The following BMP6 variants were observed in gnomAD, a reference collection of about 807,000 sequenced individuals.
The protein encoded by BMP6 is VG-1-R.
Under a neutral mutation model 54.1 loss-of-function variants are expected in BMP6, and 17 were observed. That is an observed-to-expected ratio of 0.31 (90% CI 0.22 to 0.47). The LOEUF (loss-of-function observed/expected upper bound fraction) is 0.47. Ranked by LOEUF, BMP6 falls within the 20% of genes least tolerant of loss-of-function variation. The probability of loss-of-function intolerance (pLI) is 1.00; values close to 1 mark genes in which losing one functional copy is unlikely to be tolerated. For missense variants in BMP6, 720 were observed against 690.4 expected (o/e 1.04, Z -0.48); for synonymous variants, 328 against 291.2 (o/e 1.13, Z -1.28).
intron 1 of BMP6, among the ~76,000 whole-genome samples, chr6:7,783,508 T>G (rs1757977731): frequency 6.6e-6 from 1 of 152,268 alleles, no homozygotes; most frequent in Non-Finnish European, 1.5e-5. Context: ...ATTAGGTCCA[T>G]TTTAATAAAG....
intron 1 of BMP6, among the ~76,000 whole-genome samples, chr6:7,804,424 G>T (rs937765934): frequency 6.6e-6 from 1 of 151,386 alleles, no homozygotes; most frequent in African/African-American, 2.4e-5. Flanking sequence ...TTATTATTCA[G>T]TAGAGGTGCT....
At chr6:7,824,510 G>A (rs1440409480) in intron 1 of BMP6, among the ~76,000 whole-genome samples, 1 of 152,182 alleles carries the variant, frequency 6.6e-6, no homozygotes, top group Non-Finnish European at 1.5e-5. Context: ...GATATCAAAG[G>A]GGAGGGGAAG....
chr6:7,777,127 A>G (rs1163821299), intron 1 of BMP6, among the ~76,000 whole-genome samples: 1 of 152,196 alleles, frequency 6.6e-6, no homozygotes, highest in Non-Finnish European at 1.5e-5. Context: ...ATATGCCATG[A>G]TCTAGCAAGG....
chr6:7,875,467 TAGG>T (rs1275106764), intron 4 of BMP6, among the ~76,000 whole-genome samples: 1 of 152,102 alleles, frequency 6.6e-6, no homozygotes, highest in African/African-American at 2.4e-5. Flanking sequence ...TGCTTGAGGC[TAGG>T]AGTTCAAGAC....
At position 7,726,931 on chromosome 6, in the gene BMP6, G is replaced by T; in HGVS notation, c.-25G>T. On this transcript the variant is annotated 5_prime_UTR_variant, in exon 1 of 7. Coordinates refer to ENST00000283147, the MANE Select transcript of BMP6 (RefSeq NM_001718.6). ...CGCCGCTCCACGCCTCGCGGGATCCGCGGGGGCAGCCCGGCCGGGCGGGGA... is the reference window on the plus strand; with the variant it reads ...CGCCGCTCCACGCCTCGCGGGATCCTCGGGGGCAGCCCGGCCGGGCGGGGA... 3 of 1,131,316 alleles carry T rather than the reference G, an allele frequency of 2.7e-6. No homozygotes were observed. Among genetic ancestry groups the T allele is most frequent in the Non-Finnish European group, 3.2e-6 (3 of 923,212 alleles). The allele number at this position is 1,131,316 out of a possible 1,614,324, so 70.1% of individuals were successfully genotyped here. A position where few individuals can be genotyped will look rare whatever the true frequency, so the allele number is the denominator to read the frequency against.
At chr6:7,857,722 G>T (rs1358082390) in intron 2 of BMP6, among the ~76,000 whole-genome samples, 1 of 152,216 alleles carries the variant, frequency 6.6e-6, no homozygotes, top group Non-Finnish European at 1.5e-5. Context: ...GACTAGGAAG[G>T]CCATGTATCC....
At chr6:7,873,579 C>T (rs1414889325) in intron 4 of BMP6, among the ~76,000 whole-genome samples, 1 of 152,068 alleles carries the variant, frequency 6.6e-6, no homozygotes, top group Non-Finnish European at 1.5e-5. Flanking sequence ...ATCTCCAGCC[C>T]CCCAGAGGCC....
chr6:7,726,762 A>G lies in BMP6; in HGVS notation c.-194A>G. 1 of 212,270 alleles carries G rather than the reference A, an allele frequency of 4.7e-6. No homozygotes were observed. The highest frequency in any genetic ancestry group is 8.9e-6 in the Non-Finnish European group (1 of 112,950). The allele number at this position is 212,270 out of a possible 1,614,324, so 13.1% of individuals were successfully genotyped here. A position where few individuals can be genotyped will look rare whatever the true frequency, so the allele number is the denominator to read the frequency against. Reference sequence around the variant, plus strand: ...TTCTCCTGGTGATCGCCCCTTCGCCACCTCTCTAGCCTGGGCAACTGGGGG... The same window carrying G: ...TTCTCCTGGTGATCGCCCCTTCGCCGCCTCTCTAGCCTGGGCAACTGGGGG... On this transcript the variant is annotated 5_prime_UTR_variant, in exon 1 of 7. Transcript: ENST00000283147.
chr6:7,856,837 C>T (rs912172233), intron 2 of BMP6, among the ~76,000 whole-genome samples: 2 of 151,880 alleles, frequency 1.3e-5, no homozygotes, highest in East Asian at 1.9e-4. Context: ...ACCTCGTGAT[C>T]CGCCCGCCTC....
intron 1 of BMP6, among the ~76,000 whole-genome samples, chr6:7,835,041 C>T (rs1368862815): frequency 6.6e-6 from 1 of 152,206 alleles, no homozygotes; most frequent in African/African-American, 2.4e-5. Flanking sequence ...GCACAAAACA[C>T]TGTAGCAAAT....
intron 1 of BMP6, among the ~76,000 whole-genome samples, chr6:7,837,635 C>G (rs1278902518): frequency 6.6e-6 from 1 of 152,052 alleles, no homozygotes; most frequent in African/African-American, 2.4e-5. Flanking sequence ...ACTTTGAGGA[C>G]TCGGGGGAAG....
rs142660930 is a variant in BMP6 at position 7,757,393 on chromosome 6, C to T, written c.664+29774C>T. ...CAATCCTTGTCTTGTAGAAGCATCA[C>T]TTCCATCTCTACCTCGGCCATCATA... is the stretch of plus-strand genomic sequence containing the variant. On this transcript the variant is annotated intron_variant, in intron 1 of 6. Transcript: ENST00000283147. Among the ~76,000 whole-genome samples the T allele has an allele frequency of 1.4e-4, 22 of 152,304 alleles. 1 individual carries two copies. Among genetic ancestry groups the T allele is most frequent in the Middle Eastern group, 6.8e-3 (2 of 294 alleles).
chr6:7,784,499 A>G (rs1168933573), intron 1 of BMP6, among the ~76,000 whole-genome samples: 1 of 152,206 alleles, frequency 6.6e-6, no homozygotes, highest in Non-Finnish European at 1.5e-5. Flanking sequence ...TCACAGTGTT[A>G]TCACAAGTGT....
chr6:7,838,758 C>T (rs779658745), intron 1 of BMP6, among the ~76,000 whole-genome samples: 24 of 151,954 alleles, frequency 1.6e-4, no homozygotes, highest in Admixed American at 3.9e-4. Flanking sequence ...CTGGCTAATA[C>T]GGTGAAACCT....
Position 7,727,090 on chromosome 6 carries a change from G to C in BMP6, c.135G>C (p.Gly45=). ...CCGCCGCCGGGGGGCAGCTGCTGGG[G>C]GACGGCGGGAGCCCCGGCCGCACGG... ...AAAAAGGQLL[G]DGGSPGRTEQ... is the part of the protein sequence containing the mutation. Residue 45 remains glycine, a synonymous_variant, in exon 1 of 7, where the codon GGG becomes GGC. Transcript: ENST00000283147. 1.5e-6 allele frequency: 2 copies of C among 1,329,214 alleles called. No homozygotes were observed. The highest frequency in any genetic ancestry group is 1.9e-6 in the Non-Finnish European group (2 of 1,038,878). The allele number at this position is 1,329,214 out of a possible 1,614,324, so 82.3% of individuals were successfully genotyped here.
chr6:7,740,661 T>G (rs1007705733), intron 1 of BMP6, among the ~76,000 whole-genome samples: 1 of 152,228 alleles, frequency 6.6e-6, no homozygotes, highest in Non-Finnish European at 1.5e-5. Context: ...GATTTGGGTG[T>G]GGGAATCTGC....
At chr6:7,841,860 A>G (rs1758975842) in intron 1 of BMP6, among the ~76,000 whole-genome samples, 1 of 152,198 alleles carries the variant, frequency 6.6e-6, no homozygotes, top group Admixed American at 6.5e-5. Context: ...ATATGAGGCA[A>G]TGGGTTCTAT....
intron 1 of BMP6, among the ~76,000 whole-genome samples, chr6:7,766,105 G>T (rs184324502): frequency 2.0e-5 from 3 of 152,168 alleles, no homozygotes; most frequent in Admixed American, 6.5e-5. Flanking sequence ...TTCTCCATCG[G>T]CCACAATAAA....
At chr6:7,830,002 T>G (rs1758769610) in intron 1 of BMP6, among the ~76,000 whole-genome samples, 1 of 152,214 alleles carries the variant, frequency 6.6e-6, no homozygotes, top group Non-Finnish European at 1.5e-5. Context: ...AAAGAGACAT[T>G]GCTGCCTTTT....
Sources: gnomAD v4.1 joint callset for allele counts (sites outside exome capture counted in the v4.1 genomes callset) on GRCh38, gnomAD v4.1.1 for gene constraint, MANE v1.5 for transcripts, NCBI Gene and HGNC (gene_info 2026-07-23, HGNC 2026-07-21) for gene names.